RASGRF2: variants seen among roughly 807,000 people sequenced by gnomAD.
RASGRF2 encodes the protein Ras protein specific guanine nucleotide releasing factor 2.
Under a neutral mutation model 151.0 loss-of-function variants are expected in RASGRF2, and 76 were observed. That is an observed-to-expected ratio of 0.50 (90% CI 0.42 to 0.61). RASGRF2 has a LOEUF of 0.61. Among genes scored for constraint, RASGRF2 ranks in the 20% least tolerant of loss-of-function variants. The pLI, the probability that RASGRF2 is intolerant of heterozygous loss-of-function variation, is 0.00. For synonymous variants in RASGRF2, 504 were observed against 566.5 expected (o/e 0.89, Z 1.57); for missense variants, 1,148 against 1,564.6 (o/e 0.73, Z 4.49).
chr5:81,027,384 C>G (rs1750074221), intron 1 of RASGRF2, among the ~76,000 whole-genome samples: 1 of 152,072 alleles, frequency 6.6e-6, no homozygotes, highest in Admixed American at 6.6e-5. Flanking sequence ...TTTCTGTAAA[C>G]CAAATACTGT....
intron 1 of RASGRF2, among the ~76,000 whole-genome samples, chr5:80,996,223 A>T (rs536578352): frequency 6.6e-6 from 1 of 152,288 alleles, no homozygotes; most frequent in South Asian, 2.1e-4. Context: ...TGCACTTTGT[A>T]GAATATTCTT....
chr5:81,086,955 T>A lies in RASGRF2; in HGVS notation c.1390+2T>A, dbSNP rs932745467. On this transcript the variant is annotated splice_donor_variant, in intron 9 of 26. Coordinates refer to ENST00000265080, the MANE Select transcript of RASGRF2 (RefSeq NM_006909.3). LOFTEE classifies it high-confidence loss of function. The stretch of plus-strand genomic sequence containing the variant: ...CCAGCCAAACGTTCATCCGCCAAGG[T>A]AAGTCCCTGTGAAATGGACCCGCGA... 1.2e-6 allele frequency: 2 copies of A among 1,610,886 alleles called. No homozygotes were observed. The highest frequency in any genetic ancestry group is 1.3e-5 in the African/African-American group (1 of 74,818).
intron 1 of RASGRF2, among the ~76,000 whole-genome samples, chr5:80,980,828 G>A (rs777518415): frequency 6.6e-5 from 10 of 152,092 alleles, no homozygotes; most frequent in Non-Finnish European, 1.0e-4. Flanking sequence ...TGTAGGGAGC[G>A]TCTCTGTAAT....
chr5:80,994,271 C>G (rs1338123502), intron 1 of RASGRF2, among the ~76,000 whole-genome samples: 1 of 149,392 alleles, frequency 6.7e-6, no homozygotes, highest in Non-Finnish European at 1.5e-5. Context: ...GAGGCTGAGG[C>G]AGGAGAATGG....
chr5:80,987,423 A>G (rs1438365510), intron 1 of RASGRF2, among the ~76,000 whole-genome samples: 1 of 152,200 alleles, frequency 6.6e-6, no homozygotes, highest in Admixed American at 6.5e-5. Flanking sequence ...CCTCCCCATC[A>G]TCGTTTTAAA....
intron 17 of RASGRF2, among the ~76,000 whole-genome samples, chr5:81,177,668 G>A (rs574216776): frequency 6.0e-4 from 91 of 151,454 alleles, no homozygotes; most frequent in African/African-American, 2.0e-3. Context: ...ATCAATAAGT[G>A]TACAATTTCA....
intron 17 of RASGRF2, among the ~76,000 whole-genome samples, chr5:81,157,183 CT>C (rs1467766717): frequency 6.6e-6 from 1 of 151,742 alleles, no homozygotes; most frequent in Non-Finnish European, 1.5e-5. Context: ...GAAACCCTGT[CT>C]CTATTAAAAA....
At chr5:81,132,927 T>C (rs913536745) in intron 17 of RASGRF2, among the ~76,000 whole-genome samples, 1 of 152,156 alleles carries the variant, frequency 6.6e-6, no homozygotes, top group African/African-American at 2.4e-5. Context: ...CCATACAAAT[T>C]GAGAAGGCCT....
chr5:81,046,163 C>A (rs1264061274), intron 2 of RASGRF2, among the ~76,000 whole-genome samples: 1 of 152,132 alleles, frequency 6.6e-6, no homozygotes, highest in African/African-American at 2.4e-5. Flanking sequence ...CACTTAGATA[C>A]AAAGACTGCT....
intron 2 of RASGRF2, among the ~76,000 whole-genome samples, chr5:81,059,505 T>C (rs1448065122): frequency 6.6e-6 from 1 of 151,960 alleles, no homozygotes; most frequent in Non-Finnish European, 1.5e-5. Context: ...TGTTCCCTCT[T>C]CTACCTCTTT....
chr5:81,031,407 C>G (rs890168839), intron 1 of RASGRF2, among the ~76,000 whole-genome samples: 1 of 152,194 alleles, frequency 6.6e-6, no homozygotes, highest in South Asian at 2.1e-4. Flanking sequence ...AAGTAAAACA[C>G]TTCTCAGCAA....
rs1442499172 is a variant in RASGRF2, at chr5:81,228,250, T to C, written c.*2480T>C. On this transcript the variant is annotated 3_prime_UTR_variant, in exon 27 of 27. Coordinates refer to ENST00000265080, the MANE Select transcript of RASGRF2 (RefSeq NM_006909.3). ...TTTTTGTTTGAGAATTACACCACTT[T>C]CTGGAGTCTGCAGCCTTCCTGGAGC... The C allele has an allele frequency of 1.3e-5, 2 of 152,226 alleles. No individual in the cohort carries two copies. The highest frequency in any genetic ancestry group is 2.9e-5 in the Non-Finnish European group (2 of 68,078). 9.4% of individuals were successfully genotyped at this position (152,226 alleles called of 1,614,324 possible). A position where few individuals can be genotyped will look rare whatever the true frequency, so the allele number is the denominator to read the frequency against.
chr5:81,201,152 A>G (rs538137191), intron 18 of RASGRF2, among the ~76,000 whole-genome samples, 178 bp from the exon 19 acceptor site: 39 of 152,282 alleles, frequency 2.6e-4, no homozygotes, highest in African/African-American at 8.7e-4. Flanking sequence ...TACCAATAAC[A>G]GACCACCATT....
At chr5:81,146,513 C>T (rs1232899635) in intron 17 of RASGRF2, among the ~76,000 whole-genome samples, 2 of 149,160 alleles carry the variant, frequency 1.3e-5, no homozygotes, top group African/African-American at 4.9e-5. Flanking sequence ...TAGTAAATTC[C>T]TCATTGGTAG....
intron 2 of RASGRF2, among the ~76,000 whole-genome samples, chr5:81,050,555 C>T (rs766247867): frequency 1.4e-4 from 21 of 152,190 alleles, no homozygotes; most frequent in Non-Finnish European, 2.9e-4. Context: ...CTCGTGCCAC[C>T]CCTCCCCTTA....
intron 19 of RASGRF2, among the ~76,000 whole-genome samples, chr5:81,201,885 A>T (rs1192461206): frequency 1.3e-5 from 2 of 152,088 alleles, no homozygotes; most frequent in South Asian, 4.1e-4. Flanking sequence ...AGTAGTTAGG[A>T]ATTTTCTTTG....
chr5:81,212,725 A>T (rs368826916), intron 23 of RASGRF2, among the ~76,000 whole-genome samples, 162 bp downstream of exon 23: 15 of 152,314 alleles, frequency 9.8e-5, no homozygotes, highest in Middle Eastern at 3.4e-3. Context: ...CTTACCACTT[A>T]ATTGATTTCA....
intron 1 of RASGRF2, among the ~76,000 whole-genome samples, chr5:81,037,609 T>G (rs1490961770): frequency 6.6e-6 from 1 of 152,226 alleles, no homozygotes; most frequent in Non-Finnish European, 1.5e-5. Flanking sequence ...TTTGTGTACT[T>G]TCACTCAACC....
chr5:81,056,457 C>T (rs990027186), intron 2 of RASGRF2, among the ~76,000 whole-genome samples: 3 of 152,184 alleles, frequency 2.0e-5, no homozygotes, highest in African/African-American at 7.2e-5. Flanking sequence ...TTTCTTAATC[C>T]TGAGTTCTCG....
Sources: allele counts gnomAD v4.1 joint callset (sites outside exome capture counted in the v4.1 genomes callset), GRCh38; gene constraint gnomAD v4.1.1; transcripts MANE v1.5; gene names NCBI Gene and HGNC (gene_info 2026-07-23, HGNC 2026-07-21).